The following EFNB2 variants were observed in gnomAD, a reference collection of about 807,000 sequenced individuals.
EFNB2 encodes ephrin-B2.
A neutral mutation model predicts 32.1 loss-of-function variants in EFNB2; 5 were observed. That is an observed-to-expected ratio of 0.16 (90% CI 0.08 to 0.33). The LOEUF (loss-of-function observed/expected upper bound fraction) is 0.33. EFNB2 is among the 10% of genes least tolerant of loss of function. The probability of loss-of-function intolerance (pLI) is 1.00; values close to 1 mark genes in which losing one functional copy is unlikely to be tolerated. For synonymous variants in EFNB2, 168 were observed against 166.5 expected (o/e 1.01, Z -0.07); for missense variants, 263 against 422.6 (o/e 0.62, Z 3.31).
intron 1 of EFNB2, chr13:106,517,018 G>A (rs1170614924): frequency 6.6e-6 from 1 of 152,176 alleles, no homozygotes; most frequent in East Asian, 1.9e-4. Flanking sequence ...TATTTTGGAA[G>A]TGATGGGGTT....
intron 2 of EFNB2, 112 bp downstream of exon 2, chr13:106,512,417 T>C (rs1879174580): frequency 3.3e-5 from 17 of 516,160 alleles, no homozygotes; most frequent in East Asian, 5.4e-5. Flanking sequence ...TTTTTCCACA[T>C]AGATTTTCAT....
rs563903946 is a variant in EFNB2, at chr13:106,500,924, C to A, written c.407-5084G>T. Among the ~76,000 whole-genome samples, 883 of 152,246 alleles carry A rather than the reference C, an allele frequency of 5.8e-3. 9 individuals carry two copies. The highest frequency in any genetic ancestry group is 0.021 in the African/African-American group (853 of 41,540). On this transcript the variant is annotated intron_variant, in intron 2 of 4. Transcript: ENST00000646441. Reference sequence around the variant, plus strand: ...AAATAAACACAAACACAACAACAAACCAAACTGTATTACTGTTTTCTTCTA... The same window carrying A: ...AAATAAACACAAACACAACAACAAAACAAACTGTATTACTGTTTTCTTCTA...
intron 2 of EFNB2, chr13:106,509,670 T>TGTGTGTGC (rs1555324527): frequency 6.7e-6 from 1 of 149,494 alleles, no homozygotes; most frequent in South Asian, 2.1e-4. Flanking sequence ...TGTGTGTGTG[T>TGTGTGTGC]GCATTTGTCT....
intron 1 of EFNB2, chr13:106,521,068 C>T (rs558173348): frequency 1.3e-5 from 2 of 152,250 alleles, no homozygotes; most frequent in South Asian, 2.1e-4. Context: ...GGAACAATTG[C>T]GTGTTTTCAC....
intron 2 of EFNB2, among the ~76,000 whole-genome samples, chr13:106,498,507 T>C (rs1878666170): frequency 6.6e-6 from 1 of 152,192 alleles, no homozygotes; most frequent in Non-Finnish European, 1.5e-5. Context: ...AACGGGGTCT[T>C]GACAACCACA....
At chr13:106,514,717 C>T (rs1879257593) in intron 1 of EFNB2, among the ~76,000 whole-genome samples, 1 of 152,178 alleles carries the variant, frequency 6.6e-6, no homozygotes, top group African/African-American at 2.4e-5. Flanking sequence ...ACACTCCAAA[C>T]CTTTTCTATC....
intron 2 of EFNB2, chr13:106,510,251 T>C (rs1195095718): frequency 1.3e-5 from 2 of 152,202 alleles, no homozygotes; most frequent in African/African-American, 4.8e-5. Context: ...ATTATAATTA[T>C]AAATTAAACT....
At chr13:106,502,877 G>C (rs949316178) in intron 2 of EFNB2, among the ~76,000 whole-genome samples, 3 of 152,108 alleles carry the variant, frequency 2.0e-5, no homozygotes, top group African/African-American at 7.2e-5. Context: ...ACATGTGTGC[G>C]TGTCTACATG....
rs1374188243 is a variant in EFNB2, at chr13:106,492,419, T to G, written c.*621A>C. The stretch of plus-strand genomic sequence containing the variant: ...TTCTATGAACGGATTACCCATGGAC[T>G]GAAGCTGTTGTTGCCAGCGGCTGGA... On this transcript the variant is annotated 3_prime_UTR_variant, in exon 5 of 5. Transcript: ENST00000646441. The surrounding 1 kb of genome is among the most constrained non-coding windows in gnomAD (Gnocchi z 5.1). 2 of 152,862 alleles carry G rather than the reference T, an allele frequency of 1.3e-5. No individual in the cohort carries two copies. Among genetic ancestry groups the G allele is most frequent in the African/African-American group, 4.8e-5 (2 of 41,458 alleles). 9.5% of individuals were successfully genotyped at this position (152,862 alleles called of 1,614,324 possible).
chr13:106,530,128 T>A (rs1440460489), intron 1 of EFNB2, among the ~76,000 whole-genome samples: 1 of 152,190 alleles, frequency 6.6e-6, no homozygotes, highest in Non-Finnish European at 1.5e-5. Flanking sequence ...CTGAATTGCT[T>A]ATGTCTTTGT....
rs1451867682 is a variant in EFNB2, at chr13:106,493,804, G to A, written c.614-376C>T. Among the ~76,000 whole-genome samples, 1 of 152,170 alleles carries A rather than the reference G, an allele frequency of 6.6e-6. No homozygotes were observed. The highest frequency in any genetic ancestry group is 1.5e-5 in the Non-Finnish European group (1 of 68,042). On this transcript the variant is annotated intron_variant, in intron 4 of 4. Coordinates refer to ENST00000646441, the MANE Select transcript of EFNB2 (RefSeq NM_004093.4). This position sits in a 1 kb window ranked among gnomAD's most constrained non-coding sequence, Gnocchi z 6.1. ...CAGGTCAGCGGTGAGCGTTTATGTG[G>A]TATTGCTCTTCCGCCTCCTTTGAGA... is the stretch of plus-strand genomic sequence containing the variant.
At chr13:106,523,482 G>A (rs1226571944) in intron 1 of EFNB2, among the ~76,000 whole-genome samples, 3 of 152,218 alleles carry the variant, frequency 2.0e-5, no homozygotes, top group African/African-American at 4.8e-5. Context: ...GGACAAGGAG[G>A]AGGAAGGAGG....
chr13:106,506,374 G>A (rs1288748822), intron 2 of EFNB2: 1 of 152,104 alleles, frequency 6.6e-6, no homozygotes, highest in East Asian at 1.9e-4. Flanking sequence ...ATGGAAATTG[G>A]GAAAAATGAT....
At chr13:106,505,106 G>A (rs1878907547) in intron 2 of EFNB2, among the ~76,000 whole-genome samples, 1 of 152,076 alleles carries the variant, frequency 6.6e-6, no homozygotes, top group Admixed American at 6.5e-5. Context: ...CTGGTTATAT[G>A]TTACACAATA....
chr13:106,499,695 A>AT (rs958717362), intron 2 of EFNB2, among the ~76,000 whole-genome samples: 107 of 151,984 alleles, frequency 7.0e-4, no homozygotes, highest in African/African-American at 2.6e-3. Flanking sequence ...GGGCCCAGAT[A>AT]TTTTTTTTCC....
At chr13:106,519,534 T>G (rs1311794576) in intron 1 of EFNB2, 4 of 152,214 alleles carry the variant, frequency 2.6e-5, no homozygotes, top group African/African-American at 9.6e-5. Context: ...AAAGAATTAT[T>G]TTATTTTTCT....
intron 2 of EFNB2, among the ~76,000 whole-genome samples, chr13:106,505,701 G>A (rs1045676182): frequency 1.3e-5 from 2 of 152,170 alleles, no homozygotes; most frequent in Non-Finnish European, 2.9e-5. Context: ...TAAGAAAGAA[G>A]CCTGTCCTCT....
intron 1 of EFNB2, among the ~76,000 whole-genome samples, chr13:106,530,581 G>A (rs1879835872): frequency 6.6e-6 from 1 of 152,162 alleles, no homozygotes; most frequent in Non-Finnish European, 1.5e-5. Flanking sequence ...TTTTAAGAAT[G>A]AAGTTCTCAT....
chr13:106,531,292 T>TA (rs1487382272), intron 1 of EFNB2, among the ~76,000 whole-genome samples: 9 of 152,352 alleles, frequency 5.9e-5, no homozygotes, highest in Non-Finnish European at 1.2e-4. Flanking sequence ...GGTATCGCTT[T>TA]AGCTTAGTCT....
Sources: gnomAD v4.1 joint callset for allele counts (sites outside exome capture counted in the v4.1 genomes callset) on GRCh38, gnomAD v4.1.1 for gene constraint, Gnocchi (gnomAD v3.1) non-coding constraint, MANE v1.5 for transcripts, NCBI Gene and HGNC (gene_info 2026-07-23, HGNC 2026-07-21) for gene names.